DOCK11: variants seen among roughly 807,000 people sequenced by gnomAD.
DOCK11 encodes the protein dedicator of cytokinesis 11, also known as dedicator of cytokinesis protein 11.
DOCK11 carries 70 observed loss-of-function variants against 169.1 expected under a neutral mutation model. The observed-to-expected ratio is 0.41, with a 90% CI of 0.34 to 0.51. The LOEUF (loss-of-function observed/expected upper bound fraction) is 0.51, where lower values mean the gene tolerates loss of function less well. DOCK11 is among the 20% of genes least tolerant of loss of function. The pLI, the probability that DOCK11 is intolerant of heterozygous loss-of-function variation, is 0.10. For synonymous variants in DOCK11, 529 were observed against 541.3 expected (o/e 0.98, Z 0.32); for missense variants, 1,166 against 1,538.8 (o/e 0.76, Z 4.05).
Position 118,609,264 on chromosome X carries a change from TC to T in DOCK11, c.2878-13del. 8.6e-7 allele frequency: 1 copy of T among 1,169,429 alleles called. No homozygotes were observed. The highest frequency in any genetic ancestry group is 1.2e-6 in the Non-Finnish European group (1 of 863,868). Reference sequence around the variant, plus strand: ...TTTGGTAACCGTTAAAGATTCTCTTTCTTTTTTTTTCAGTACTCATGGTTTT... The same window carrying T: ...TTTGGTAACCGTTAAAGATTCTCTTTTTTTTTTTTCAGTACTCATGGTTTT... On this transcript the variant is annotated splice_polypyrimidine_tract_variant and intron_variant, in intron 26 of 52. Coordinates refer to ENST00000276202, the MANE Select transcript of DOCK11 (RefSeq NM_144658.4).
chrX:118,547,265 C>T (rs1021441743), intron 6 of DOCK11, among the ~76,000 whole-genome samples: 3 of 111,916 alleles, frequency 2.7e-5, no homozygotes, highest in Admixed American at 9.5e-5. Context: ...CTATCTTTCA[C>T]ACAGGCTGCA....
intron 9 of DOCK11, among the ~76,000 whole-genome samples, chrX:118,567,847 T>C (rs772260736): frequency 2.7e-5 from 3 of 111,937 alleles, no homozygotes; most frequent in Non-Finnish European, 5.6e-5. Context: ...GAATTACATA[T>C]AATATTCTAT....
intron 35 of DOCK11, among the ~76,000 whole-genome samples, chrX:118,632,198 C>T (rs1324903598): frequency 1.8e-5 from 2 of 111,607 alleles, no homozygotes. Context: ...CGTGATCCGC[C>T]CACCTCGGCC....
chrX:118,501,078 A>C (rs1413404287), intron 1 of DOCK11, among the ~76,000 whole-genome samples: 1 of 112,196 alleles, frequency 8.9e-6, no homozygotes, highest in African/African-American at 3.2e-5. Flanking sequence ...GGTAATTATC[A>C]TTTATTGTTT....
At chrX:118,510,129 A>G (rs899785262) in intron 1 of DOCK11, among the ~76,000 whole-genome samples, 2 of 112,071 alleles carry the variant, frequency 1.8e-5, no homozygotes, top group African/African-American at 6.5e-5. Flanking sequence ...GGTTCCACGG[A>G]TTAAGATGTG....
chrX:118,585,896 GA>G (rs1198794985), intron 16 of DOCK11, among the ~76,000 whole-genome samples: 1 of 112,098 alleles, frequency 8.9e-6, no homozygotes, highest in Non-Finnish European at 1.9e-5. Flanking sequence ...GTAAATATGT[GA>G]AAAATATTCA....
intron 6 of DOCK11, among the ~76,000 whole-genome samples, chrX:118,557,739 G>A (rs1337389565): frequency 2.4e-5 from 2 of 84,773 alleles, no homozygotes; most frequent in Non-Finnish European, 4.4e-5. Context: ...ACTCCAGCCC[G>A]GGAGACAGAA....
At chrX:118,559,158 T>A (rs1036233652) in intron 6 of DOCK11, among the ~76,000 whole-genome samples, 1 of 112,258 alleles carries the variant, frequency 8.9e-6, no homozygotes, top group African/African-American at 3.2e-5. Flanking sequence ...ATGATGCACT[T>A]TGCTAATATG....
At chrX:118,610,451 A>G (rs1029012543) in intron 28 of DOCK11, 33 bp downstream of exon 28, 1 of 1,190,948 alleles carries the variant, frequency 8.4e-7, no homozygotes, top group African/African-American at 1.8e-5. Context: ...GTGGTAAGGA[A>G]CTCCTCTTCA....
intron 30 of DOCK11, 47 bp from the exon 31 acceptor site, chrX:118,618,503 G>A: frequency 2.0e-6 from 2 of 987,373 alleles, no homozygotes; most frequent in Non-Finnish European, 1.4e-6. Context: ...TTATAATCAT[G>A]TTTTGAATAT....
At position 118,661,460 on chromosome X, in the gene DOCK11, A is replaced by AT. The variant is rs1352725676; in HGVS notation, c.4970-1216dup. Reference sequence around the variant, plus strand: ...AGAAATCTCTTCAACATGAGGTCTGATTTTTTTTTTAAACCTTCCTTCTTC... The same window carrying AT: ...AGAAATCTCTTCAACATGAGGTCTGATTTTTTTTTTTAAACCTTCCTTCTTC... On this transcript the variant is annotated intron_variant, in intron 44 of 52. Coordinates refer to ENST00000276202, the MANE Select transcript of DOCK11 (RefSeq NM_144658.4). 5.6e-5 allele frequency among the ~76,000 whole-genome samples: 6 copies of AT among 108,099 alleles called. No homozygotes were observed. The South Asian group carries it at 1.2e-3, about 21-fold the overall frequency. The allele number at this position is 108,099 out of a possible 115,157, so 93.9% of individuals were successfully genotyped here.
At chrX:118,575,991 T>G (rs2013432938) in intron 12 of DOCK11, among the ~76,000 whole-genome samples, 1 of 112,092 alleles carries the variant, frequency 8.9e-6, no homozygotes, top group African/African-American at 3.2e-5. Context: ...TCATACTAGT[T>G]TGTGAAATGA....
intron 46 of DOCK11, among the ~76,000 whole-genome samples, chrX:118,673,965 G>A (rs189024163): frequency 2.1e-4 from 23 of 111,805 alleles, no homozygotes; most frequent in Non-Finnish European, 1.7e-4. Context: ...CATGGTCATG[G>A]TGCTCAGTGG....
At chrX:118,602,400 G>A (rs1019148868) in intron 23 of DOCK11, among the ~76,000 whole-genome samples, 18 of 111,375 alleles carry the variant, frequency 1.6e-4, no homozygotes, top group South Asian at 3.7e-4. Flanking sequence ...GAAGAGACAG[G>A]ACATACATAA....
chrX:118,587,540 A>G (rs1323210883), intron 16 of DOCK11, among the ~76,000 whole-genome samples: 1 of 112,103 alleles, frequency 8.9e-6, no homozygotes, highest in Non-Finnish European at 1.9e-5. Context: ...CCTTAAGTAT[A>G]TGAATAACCT....
intron 30 of DOCK11, among the ~76,000 whole-genome samples, chrX:118,616,599 C>T (rs2014823469): frequency 9.2e-6 from 1 of 108,856 alleles, no homozygotes; most frequent in African/African-American, 3.4e-5. Context: ...CTCTCAGATG[C>T]TGTTTAGTGA....
intron 18 of DOCK11, 54 bp from the exon 19 acceptor site, chrX:118,590,156 A>G (rs751770004): frequency 1.6e-5 from 17 of 1,053,135 alleles, no homozygotes; most frequent in Non-Finnish European, 2.2e-5. Flanking sequence ...GTTCCATGGC[A>G]TCACATTTAC....
At chrX:118,622,413 A>G (rs1423049111) in intron 31 of DOCK11, among the ~76,000 whole-genome samples, 2 of 112,023 alleles carry the variant, frequency 1.8e-5, no homozygotes, top group African/African-American at 6.5e-5. Flanking sequence ...TTATCTAACT[A>G]GTCTTCTATT....
chrX:118,556,477 G>A (rs963046992), intron 6 of DOCK11, among the ~76,000 whole-genome samples: 19 of 108,695 alleles, frequency 1.7e-4, no homozygotes, highest in Non-Finnish European at 2.9e-4. Flanking sequence ...GGCCAGGCAC[G>A]GTAGCTCACA....
Sources: gnomAD v4.1 joint callset for allele counts (sites outside exome capture counted in the v4.1 genomes callset) on GRCh38, gnomAD v4.1.1 for gene constraint, MANE v1.5 for transcripts, NCBI Gene and HGNC (gene_info 2026-07-23, HGNC 2026-07-21) for gene names.